CDC42SE2: variants seen among roughly 807,000 people sequenced by gnomAD.
CDC42SE2 encodes the protein CDC42 small effector protein 2.
In CDC42SE2, 3 loss-of-function variants were observed where a neutral mutation model predicts 11.5. The observed-to-expected ratio is 0.26, with a 90% CI of 0.12 to 0.67. The LOEUF (loss-of-function observed/expected upper bound fraction) is 0.67. Among genes scored for constraint, CDC42SE2 ranks in the 30% least tolerant of loss-of-function variants. CDC42SE2 has a pLI of 0.80. For synonymous variants in CDC42SE2, 33 were observed against 34.8 expected (o/e 0.95, Z 0.18); for missense variants, 82 against 106.8 (o/e 0.77, Z 1.02).
rs556778602 is a variant in CDC42SE2, at chr5:131,350,567, C to T, written c.-285-8642C>T. ...TAAGGCTTTAACGCCCTGATATGAACGGTATAAACAAAGTTAAAAGTGATA... is the reference window on the plus strand; with the variant it reads ...TAAGGCTTTAACGCCCTGATATGAATGGTATAAACAAAGTTAAAAGTGATA... On this transcript the variant is annotated intron_variant, in intron 2 of 4. Coordinates refer to ENST00000505065, the MANE Select transcript of CDC42SE2 (RefSeq NM_001375635.1). Among the ~76,000 whole-genome samples, 42 of 151,110 alleles carry T rather than the reference C, an allele frequency of 2.8e-4. No homozygotes were observed. In the South Asian group the frequency reaches 5.6e-3, roughly 20 times the overall value.
chr5:131,333,460 G>A (rs1314324108), intron 2 of CDC42SE2, among the ~76,000 whole-genome samples: 1 of 152,060 alleles, frequency 6.6e-6, no homozygotes, highest in East Asian at 1.9e-4. Context: ...GCTCTCTTTT[G>A]GTTCCATATG....
intron 1 of CDC42SE2, among the ~76,000 whole-genome samples, chr5:131,266,555 GC>G (rs1271383122): frequency 7.9e-5 from 12 of 151,352 alleles, no homozygotes; most frequent in African/African-American, 2.9e-4. Context: ...CGCCTTTGGG[GC>G]TCGAGCTATT....
upstream of CDC42SE2, among the ~76,000 whole-genome samples, chr5:131,241,188 C>T (rs1756538176): frequency 6.6e-6 from 1 of 152,110 alleles, no homozygotes. Flanking sequence ...CCATGTTAGC[C>T]AGGATGGTCT....
chr5:131,292,509 A>T (rs1757477852), intron 1 of CDC42SE2, among the ~76,000 whole-genome samples: 2 of 148,434 alleles, frequency 1.3e-5, no homozygotes, highest in Non-Finnish European at 3.0e-5. Context: ...CGGAGGTTGC[A>T]GTGAGCCGAG....
chr5:131,376,730 C>A (rs1240181614), intron 3 of CDC42SE2, among the ~76,000 whole-genome samples: 1 of 152,126 alleles, frequency 6.6e-6, no homozygotes, highest in East Asian at 1.9e-4. Flanking sequence ...CTCCCACTTA[C>A]AAGTGAGAAC....
chr5:131,240,531 C>T (rs958095750), upstream of CDC42SE2, among the ~76,000 whole-genome samples: 3 of 152,116 alleles, frequency 2.0e-5, no homozygotes, highest in South Asian at 2.1e-4. Context: ...ACAAACGCGT[C>T]GGGGTATATT....
chr5:131,364,733 G>A (rs1370511199), intron 3 of CDC42SE2, among the ~76,000 whole-genome samples: 2 of 152,266 alleles, frequency 1.3e-5, no homozygotes, highest in South Asian at 4.1e-4. Context: ...CTGCAATAAG[G>A]TTGCTTATTC....
chr5:131,268,054 C>CTTTTTTT (rs148354795), intron 1 of CDC42SE2, among the ~76,000 whole-genome samples: 27 of 65,448 alleles, frequency 4.1e-4, no homozygotes, highest in Non-Finnish European at 5.4e-4. Context: ...CATGCTTATT[C>CTTTTTTT]TTTTTTTTTT....
chr5:131,349,006 C>T (rs903538983), intron 2 of CDC42SE2, among the ~76,000 whole-genome samples: 1 of 152,154 alleles, frequency 6.6e-6, no homozygotes, highest in Non-Finnish European at 1.5e-5. Context: ...GGATTAAAGA[C>T]TTAAATGTTA....
the CDC42SE2 span, among the ~76,000 whole-genome samples, chr5:131,236,623 C>T: frequency 2.6e-5 from 4 of 152,076 alleles, no homozygotes; most frequent in African/African-American, 9.7e-5. Context: ...GATGGGGTTT[C>T]ACCATGTTGC....
chr5:131,253,472 A>G (rs1372680061), intron 1 of CDC42SE2, among the ~76,000 whole-genome samples: 1 of 152,204 alleles, frequency 6.6e-6, no homozygotes, highest in Non-Finnish European at 1.5e-5. Flanking sequence ...CATTCTTTAG[A>G]ACTTCTTACA....
chr5:131,289,828 A>G (rs970166146), intron 1 of CDC42SE2, among the ~76,000 whole-genome samples: 2 of 152,094 alleles, frequency 1.3e-5, no homozygotes, highest in African/African-American at 4.8e-5. Context: ...GAGATGAATA[A>G]GAGAAATGAC....
chr5:131,323,728 G>T (rs991937011), intron 2 of CDC42SE2, among the ~76,000 whole-genome samples: 1 of 151,942 alleles, frequency 6.6e-6, no homozygotes, highest in African/African-American at 2.4e-5. Context: ...AAAATAATGT[G>T]TTTTAATGAA....
In CDC42SE2 at chr5:131,286,340, T is replaced by C. The variant is rs1220504223; in HGVS notation, c.-455+22174T>C. On this transcript the variant is annotated intron_variant, in intron 1 of 4. Coordinates refer to ENST00000505065, the MANE Select transcript of CDC42SE2 (RefSeq NM_001375635.1). Reference sequence around the variant, plus strand: ...CTTAAGTGATCCTCCTGCCTTGGCCTCTCAAAATGCTGGGATTATAGGCAT... The same window carrying C: ...CTTAAGTGATCCTCCTGCCTTGGCCCCTCAAAATGCTGGGATTATAGGCAT... 6.6e-5 allele frequency among the ~76,000 whole-genome samples: 10 copies of C among 150,992 alleles called. No individual in the cohort carries two copies. The Admixed American group carries it at 6.6e-4, about 10-fold the overall frequency.
intron 1 of CDC42SE2, among the ~76,000 whole-genome samples, chr5:131,309,938 C>G (rs1757865927): frequency 6.6e-6 from 1 of 152,084 alleles, no homozygotes; most frequent in South Asian, 2.1e-4. Flanking sequence ...TTTTGTGTCT[C>G]TATTTCCTTC....
the CDC42SE2 span, among the ~76,000 whole-genome samples, chr5:131,238,342 G>C: frequency 6.6e-6 from 1 of 151,578 alleles, no homozygotes; most frequent in Non-Finnish European, 1.5e-5. Context: ...CTAAAACTAC[G>C]AAAACAAAAA....
chr5:131,345,414 A>C (rs1402745192), intron 2 of CDC42SE2, among the ~76,000 whole-genome samples: 1 of 152,160 alleles, frequency 6.6e-6, no homozygotes, highest in African/African-American at 2.4e-5. Context: ...GTGATTGAAG[A>C]TCAAATGAAT....
intron 3 of CDC42SE2, among the ~76,000 whole-genome samples, chr5:131,382,551 C>G (rs760169251): frequency 8.5e-5 from 13 of 152,166 alleles, no homozygotes; most frequent in Non-Finnish European, 1.8e-4. Flanking sequence ...AAGGGTTGAT[C>G]AAGACTCCTC....
intron 3 of CDC42SE2, among the ~76,000 whole-genome samples, chr5:131,361,471 G>A (rs1749706112): frequency 6.6e-6 from 1 of 152,146 alleles, no homozygotes; most frequent in African/African-American, 2.4e-5. Context: ...GCATACAGAC[G>A]GGGAGCTGTG....
Sources: gnomAD v4.1 joint callset for allele counts (sites outside exome capture counted in the v4.1 genomes callset) on GRCh38, gnomAD v4.1.1 for gene constraint, MANE v1.5 for transcripts, NCBI Gene and HGNC (gene_info 2026-07-23, HGNC 2026-07-21) for gene names.